The following TMED5 variants were observed in gnomAD, a reference collection of about 807,000 sequenced individuals.
TMED5 encodes the protein transmembrane p24 trafficking protein 5, also known as transmembrane emp24 domain-containing protein 5.
Under a neutral mutation model 23.0 loss-of-function variants are expected in TMED5, and 27 were observed. The observed-to-expected ratio is 1.17, with a 90% CI of 0.86 to 1.62. The LOEUF is 1.62. Ranked by LOEUF, TMED5 falls within the 40% of genes most tolerant of loss-of-function variation. The pLI, the probability that TMED5 is intolerant of heterozygous loss-of-function variation, is 0.00. For synonymous variants in TMED5, 97 were observed against 100.8 expected (o/e 0.96, Z 0.23); for missense variants, 248 against 273.7 (o/e 0.91, Z 0.66).
In TMED5 at chr1:93,156,455, A is replaced by G. The variant is rs1384609895; in HGVS notation, c.316T>C (p.Phe106Leu). ...TVETEVGDYM[F>L]CFDNTFSTIS... ...GTGCTGAATGTATTGTCAAAGCAGAACATGTAATCACCAACTTCAGTCTCT... is the reference window on the plus strand; with the variant it reads ...GTGCTGAATGTATTGTCAAAGCAGAGCATGTAATCACCAACTTCAGTCTCT... The change falls in exon 3 of 4, where the codon TTC becomes CTC. Residue 106 changes from phenylalanine (F) to leucine (L), a missense_variant. Phe to Leu is a conservative substitution (Grantham distance 22). Transcript: ENST00000370282. 6.2e-7 allele frequency: 1 copy of G among 1,613,874 alleles called. No individual in the cohort carries two copies. The highest frequency in any genetic ancestry group is 8.5e-7 in the Non-Finnish European group (1 of 1,179,860).
intron 2 of TMED5, among the ~76,000 whole-genome samples, chr1:93,158,158 G>A (rs2101129892): frequency 6.6e-6 from 1 of 151,968 alleles, no homozygotes; most frequent in East Asian, 1.9e-4. Context: ...TGTAAATCTG[G>A]TATAGTGATT....
intron 1 of TMED5, among the ~76,000 whole-genome samples, chr1:93,169,328 A>C (rs1277356539): frequency 6.6e-6 from 1 of 152,252 alleles, no homozygotes; most frequent in Non-Finnish European, 1.5e-5. Context: ...CTCATGGGAC[A>C]AAGAAGTCTC....
In TMED5 at chr1:93,179,172, G is replaced by T. The variant is rs184735825; in HGVS notation, c.189+882C>A. ...AGGTCGGGAGTTCGAGACCAGCCTG[G>T]CCAACATGGTGAAACCCCGTCTCTA... On this transcript the variant is annotated intron_variant, in intron 1 of 3. Coordinates refer to ENST00000370282, the MANE Select transcript of TMED5 (RefSeq NM_016040.5). Among the ~76,000 whole-genome samples the T allele has an allele frequency of 1.8e-3, 267 of 152,200 alleles. 1 individual carries two copies. Among genetic ancestry groups the T allele is most frequent in the African/African-American group, 6.1e-3 (254 of 41,558 alleles).
intron 1 of TMED5, among the ~76,000 whole-genome samples, chr1:93,179,336 C>G (rs72715394): frequency 0.062 from 8,643 of 138,302 alleles, 309 homozygotes; most frequent in Admixed American, 0.077. Flanking sequence ...CACTCCAACT[C>G]TAGCTTGAGC....
In TMED5 at chr1:93,150,731, A is replaced by G. The variant is rs937002991; in HGVS notation, c.*3939T>C. ...TAGATTTAGTCCAGCCTCCCATTTC[A>G]TATTAGCTGTAGTAACAATCCCCTT... On this transcript the variant is annotated 3_prime_UTR_variant, in exon 4 of 4. Transcript: ENST00000370282. 10 of 152,186 alleles carry G rather than the reference A, an allele frequency of 6.6e-5. No individual in the cohort carries two copies. The highest frequency in any genetic ancestry group is 2.4e-4 in the African/African-American group (10 of 41,456). 9.4% of individuals were successfully genotyped at this position (152,186 alleles called of 1,614,324 possible).
At chr1:93,175,316 T>TATATACACAC (rs1553160172) in intron 1 of TMED5, among the ~76,000 whole-genome samples, 44 of 129,068 alleles carry the variant, frequency 3.4e-4, no homozygotes, top group African/African-American at 1.2e-3. Context: ...TATATATATA[T>TATATACACAC]ACACACACAC....
chr1:93,180,031 G>A (rs1649250348), intron 1 of TMED5, 23 bp downstream of exon 1: 2 of 1,604,576 alleles, frequency 1.2e-6, no homozygotes, highest in African/African-American at 1.3e-5. Context: ...AAGGAAGGAG[G>A]CTGGTTTATC....
intron 2 of TMED5, among the ~76,000 whole-genome samples, chr1:93,157,841 T>A (rs1026671386): frequency 6.6e-6 from 1 of 152,190 alleles, no homozygotes; most frequent in Non-Finnish European, 1.5e-5. Flanking sequence ...AACAGATTTG[T>A]AGGCCGGGCA....
At position 93,150,249 on chromosome 1, in the gene TMED5, C is replaced by T. The variant is rs2101115840; in HGVS notation, c.*4421G>A. 1 of 152,292 alleles carries T rather than the reference C, an allele frequency of 6.6e-6. No homozygotes were observed. Among genetic ancestry groups the T allele is most frequent in the South Asian group, 2.1e-4 (1 of 4,818 alleles). 9.4% of individuals were successfully genotyped at this position (152,292 alleles called of 1,614,324 possible). On this transcript the variant is annotated 3_prime_UTR_variant, in exon 4 of 4. Coordinates refer to ENST00000370282, the MANE Select transcript of TMED5 (RefSeq NM_016040.5). ...AAACTTTAGGATTGTCCCCCCAAAC[C>T]ACCCAAGCATAATTCCCTTGAGGTC...
rs1647979587 is a variant in TMED5, at chr1:93,154,310, C to G, written c.*360G>C. 5.7e-6 allele frequency: 1 copy of G among 175,160 alleles called. No individual in the cohort carries two copies. Among genetic ancestry groups the G allele is most frequent in the South Asian group, 1.7e-4 (1 of 5,754 alleles). 10.9% of individuals were successfully genotyped at this position (175,160 alleles called of 1,614,324 possible). A position where few individuals can be genotyped will look rare whatever the true frequency, so the allele number is the denominator to read the frequency against. ...TAACTGCCGCATTTACAAAAAAGTT[C>G]TGGGTAATAGAACCTGTTAAAAACA... On this transcript the variant is annotated 3_prime_UTR_variant, in exon 4 of 4. Transcript: ENST00000370282.
chr1:93,169,947 C>T (rs1648652392), intron 1 of TMED5, among the ~76,000 whole-genome samples: 1 of 150,400 alleles, frequency 6.6e-6, no homozygotes, highest in South Asian at 2.1e-4. Context: ...TGGTGCATGC[C>T]TCCCTAGCTA....
intron 1 of TMED5, chr1:93,162,039 T>C (rs1463935726): frequency 3.3e-5 from 5 of 152,050 alleles, no homozygotes; most frequent in South Asian, 2.1e-4. Flanking sequence ...TCTGTATTTA[T>C]AGTGTTTGCT....
At chr1:93,176,430 A>G (rs1374692371) in intron 1 of TMED5, among the ~76,000 whole-genome samples, 1 of 152,052 alleles carries the variant, frequency 6.6e-6, no homozygotes, top group African/African-American at 2.4e-5. Flanking sequence ...TACCTTCATT[A>G]CCCCTAGTAA....
At chr1:93,174,070 G>T (rs59368083) in intron 1 of TMED5, among the ~76,000 whole-genome samples, 13,664 of 152,014 alleles carry the variant, frequency 0.09, 2,019 homozygotes, top group African/African-American at 0.31. Flanking sequence ...TGATTCTCCT[G>T]CCTCAGCCTC....
intron 1 of TMED5, chr1:93,179,805 C>T: frequency 6.1e-6 from 3 of 489,570 alleles, no homozygotes; most frequent in Non-Finnish European, 1.1e-5. Flanking sequence ...GTTCTGGCCT[C>T]CTTCCCACCG....
At chr1:93,166,612 GA>G (rs1648517495) in intron 1 of TMED5, among the ~76,000 whole-genome samples, 1 of 147,550 alleles carries the variant, frequency 6.8e-6, no homozygotes, top group South Asian at 2.2e-4. Flanking sequence ...AATTAGATTA[GA>G]TTTTTTTTCC....
Sources: gnomAD v4.1 joint callset for allele counts (sites outside exome capture counted in the v4.1 genomes callset) on GRCh38, gnomAD v4.1.1 for gene constraint, MANE v1.5 for transcripts, NCBI Gene and HGNC (gene_info 2026-07-23, HGNC 2026-07-21) for gene names.